The following ALK variants were observed in gnomAD, a reference collection of about 807,000 sequenced individuals.
ALK encodes the protein ALK tyrosine kinase receptor.
ALK carries 74 observed loss-of-function variants against 163.1 expected under a neutral mutation model. The observed-to-expected ratio is 0.45, with a 90% CI of 0.38 to 0.55. The LOEUF (loss-of-function observed/expected upper bound fraction) is 0.55. Ranked by LOEUF, ALK falls within the 20% of genes least tolerant of loss-of-function variation. ALK has a pLI of 0.00. For missense variants in ALK, 2,063 were observed against 2,105.3 expected (o/e 0.98, Z 0.39); for synonymous variants, 960 against 843.2 (o/e 1.14, Z -2.40).
At chr2:29,715,635 T>C (rs1328715519) in intron 2 of ALK, among the ~76,000 whole-genome samples, 1 of 152,238 alleles carries the variant, frequency 6.6e-6, no homozygotes, top group East Asian at 1.9e-4. Flanking sequence ...GATTTACCCC[T>C]TGGGGCATTC....
At chr2:29,709,458 G>T (rs1679009706) in intron 2 of ALK, among the ~76,000 whole-genome samples, 1 of 152,254 alleles carries the variant, frequency 6.6e-6, no homozygotes, top group Non-Finnish European at 1.5e-5. Flanking sequence ...TACTTCTATT[G>T]AGTACACAAT....
chr2:29,839,315 A>C (rs1408372342), intron 1 of ALK, among the ~76,000 whole-genome samples: 1 of 152,166 alleles, frequency 6.6e-6, no homozygotes, highest in African/African-American at 2.4e-5. Flanking sequence ...AAGATGAGTA[A>C]GTTTTTTTAA....
At chr2:29,651,474 T>C (rs1283175164) in intron 3 of ALK, among the ~76,000 whole-genome samples, 1 of 152,146 alleles carries the variant, frequency 6.6e-6, no homozygotes, top group African/African-American at 2.4e-5. Context: ...CCTTAATGCA[T>C]TGGTTATAAT....
chr2:29,891,540 C>A (rs1009947525), intron 1 of ALK, among the ~76,000 whole-genome samples: 1 of 152,158 alleles, frequency 6.6e-6, no homozygotes, highest in Non-Finnish European at 1.5e-5. Context: ...CTGCAAATGG[C>A]CTTAGAGATC....
chr2:29,736,987 C>A lies in ALK; in HGVS notation c.668-19290G>T, dbSNP rs554919906. On this transcript the variant is annotated intron_variant, in intron 1 of 28. Transcript: ENST00000389048. ...TTCCTTGTTCCAGTACTTGGTAGAA[C>A]CTAAAGATTAGAAAGAATTAGATGT... Among the ~76,000 whole-genome samples the A allele has an allele frequency of 2.0e-5, 3 of 152,020 alleles. No homozygotes were observed. The East Asian group carries it at 5.8e-4, about 29-fold the overall frequency.
intron 3 of ALK, among the ~76,000 whole-genome samples, chr2:29,551,729 A>G (rs1479678999): frequency 6.6e-6 from 1 of 152,172 alleles, no homozygotes; most frequent in Non-Finnish European, 1.5e-5. Flanking sequence ...TACACACAGA[A>G]CAACTTGAGA....
At chr2:29,526,687 T>C (rs184453742) in intron 4 of ALK, among the ~76,000 whole-genome samples, 1 of 152,250 alleles carries the variant, frequency 6.6e-6, no homozygotes, top group African/African-American at 2.4e-5. Context: ...ATCTCATTTA[T>C]CATGCAGGCA....
chr2:29,293,889 C>G (rs547011835), intron 9 of ALK, among the ~76,000 whole-genome samples: 1 of 150,358 alleles, frequency 6.7e-6, no homozygotes, highest in South Asian at 2.1e-4. Context: ...GTGCTAACCT[C>G]TAAGCCCTAA....
intron 1 of ALK, among the ~76,000 whole-genome samples, chr2:29,782,352 C>T (rs1445070609): frequency 6.6e-6 from 1 of 152,154 alleles, no homozygotes; most frequent in African/African-American, 2.4e-5. Context: ...GGACTCCATC[C>T]AACTTGCTGT....
At chr2:29,748,289 T>A (rs1431623055) in intron 1 of ALK, among the ~76,000 whole-genome samples, 2 of 152,168 alleles carry the variant, frequency 1.3e-5, no homozygotes, top group African/African-American at 4.8e-5. Flanking sequence ...TTAAGAGCCC[T>A]TGGTCTACCC....
At chr2:29,635,299 C>T (rs1405884151) in intron 3 of ALK, among the ~76,000 whole-genome samples, 1 of 152,178 alleles carries the variant, frequency 6.6e-6, no homozygotes, top group African/African-American at 2.4e-5. Flanking sequence ...GAAATGTGGT[C>T]TTCACAGATA....
chr2:29,712,230 C>G (rs1679124717), intron 2 of ALK, among the ~76,000 whole-genome samples: 1 of 152,212 alleles, frequency 6.6e-6, no homozygotes. Flanking sequence ...TTACTGTCCC[C>G]TTTGGGACTC....
chr2:29,209,906 A>G (rs1208803822), intron 24 of ALK, 28 bp from the exon 25 acceptor site: 1 of 1,567,478 alleles, frequency 6.4e-7, no homozygotes, highest in Non-Finnish European at 8.8e-7. Context: ...GCATTTCCTA[A>G]TTTTATCCCT....
intron 11 of ALK, among the ~76,000 whole-genome samples, chr2:29,257,006 T>C (rs1664965358): frequency 6.6e-6 from 1 of 152,082 alleles, no homozygotes; most frequent in Non-Finnish European, 1.5e-5. Flanking sequence ...GGAGAGAAGA[T>C]CAAGGTCACA....
At position 29,569,567 on chromosome 2, in the gene ALK, C is replaced by G. The variant is rs554318173; in HGVS notation, c.953-37451G>C. ...GTGACTTTCTTTCCCTTTTCTTCCC[C>G]CCCCCTAGTGAGGTCCAGAGACAGT... On this transcript the variant is annotated intron_variant, in intron 3 of 28. Transcript: ENST00000389048. Among the ~76,000 whole-genome samples the G allele has an allele frequency of 5.9e-4, 46 of 77,566 alleles. 1 individual carries two copies. In the South Asian group the frequency reaches 0.03, roughly 51 times the overall value. The allele number at this position is 77,566 out of a possible 152,430, so 50.9% of individuals were successfully genotyped here.
chr2:29,787,221 G>A (rs1309259765), intron 1 of ALK, among the ~76,000 whole-genome samples: 2 of 152,132 alleles, frequency 1.3e-5, no homozygotes, highest in Admixed American at 6.5e-5. Flanking sequence ...TTTAGGCAAG[G>A]CACATTAGCA....
At chr2:29,845,630 C>T (rs991191640) in intron 1 of ALK, among the ~76,000 whole-genome samples, 5 of 152,170 alleles carry the variant, frequency 3.3e-5, no homozygotes, top group Non-Finnish European at 7.3e-5. Flanking sequence ...GACAGGATTT[C>T]ACCATGTTGG....
intron 1 of ALK, among the ~76,000 whole-genome samples, chr2:29,889,733 GA>G (rs1667094053): frequency 3.4e-5 from 5 of 146,364 alleles, no homozygotes; most frequent in African/African-American, 1.0e-4. Flanking sequence ...GAGAGAGAGA[GA>G]GAGAGAGAGA....
chr2:29,468,819 A>C (rs1671275740), intron 4 of ALK, among the ~76,000 whole-genome samples: 2 of 131,306 alleles, frequency 1.5e-5, no homozygotes, highest in Non-Finnish European at 3.1e-5. Flanking sequence ...ACACCACTGC[A>C]CTCTAGCCTG....
Sources: allele counts gnomAD v4.1 joint callset (sites outside exome capture counted in the v4.1 genomes callset), GRCh38; gene constraint gnomAD v4.1.1; transcripts MANE v1.5; gene names NCBI Gene and HGNC (gene_info 2026-07-23, HGNC 2026-07-21).